DBF4B: variants seen among roughly 807,000 people sequenced by gnomAD.
DBF4B encodes protein DBF4 homolog B.
In DBF4B, 49 loss-of-function variants were observed where a neutral mutation model predicts 53.4. The ratio of observed to expected loss-of-function variants is 0.92; its 90% CI spans 0.73 to 1.16. The LOEUF (loss-of-function observed/expected upper bound fraction) is 1.16, where lower values mean the gene tolerates loss of function less well. Ranked by LOEUF, DBF4B falls within the 50% of genes most tolerant of loss-of-function variation. DBF4B has a pLI of 0.00. For missense variants in DBF4B, 692 were observed against 775.0 expected (o/e 0.89, Z 1.27); for synonymous variants, 257 against 288.7 (o/e 0.89, Z 1.11).
intron 5 of DBF4B, chr17:44,731,661 A>G (rs1336248715): frequency 6.3e-6 from 1 of 157,612 alleles, no homozygotes; most frequent in Non-Finnish European, 1.4e-5. Flanking sequence ...CAGGGCTGTT[A>G]AAGTTTAGTG....
intron 9 of DBF4B, 144 bp downstream of exon 9, chr17:44,738,568 C>G: frequency 1.3e-6 from 1 of 793,690 alleles, no homozygotes; most frequent in East Asian, 2.6e-5. Flanking sequence ...AAGCCACTTT[C>G]TCCCATTGTC....
Position 44,751,576 on chromosome 17 carries a change from C to A in DBF4B, c.*323C>A. 1 of 1,340,202 alleles carries A rather than the reference C, an allele frequency of 7.5e-7. No individual in the cohort carries two copies. The highest frequency in any genetic ancestry group is 9.6e-7 in the Non-Finnish European group (1 of 1,046,722). The allele number at this position is 1,340,202 out of a possible 1,614,324, so 83.0% of individuals were successfully genotyped here. On this transcript the variant is annotated 3_prime_UTR_variant, in exon 14 of 14. Coordinates refer to ENST00000315005, the MANE Select transcript of DBF4B (RefSeq NM_145663.3). ...TTCTCAGACTTGCCACCTTTCCCCT[C>A]TGCCCCAAAATGCCATGCTCCTCTC...
rs1393184526 is a variant in DBF4B, at chr17:44,750,654, G to C, written c.1249G>C (p.Gly417Arg). ...GACAGAATCACTAGATGGTGTGATG[G>C]GACCTCCTGCAAGTCACACATGTGT... ...RWTESLDGVM[G>R]PPASHTCVSA... Residue 417 changes from glycine (G) to arginine (R), a missense_variant, in exon 14 of 14, where the codon GGA becomes CGA. Gly to Arg is a moderately radical substitution (Grantham distance 125, BLOSUM62 -2). Around this residue, in one of 3 missense-constraint regions of DBF4B, gnomAD observed 597 missense variants for 665.8 expected, o/e 0.90. Transcript: ENST00000315005. The C allele has an allele frequency of 1.2e-6, 2 of 1,613,976 alleles. No individual in the cohort carries two copies. The highest frequency in any genetic ancestry group is 1.7e-6 in the Non-Finnish European group (2 of 1,180,026).
chr17:44,725,844 G>C (rs1487762799), intron 3 of DBF4B, among the ~76,000 whole-genome samples: 1 of 151,510 alleles, frequency 6.6e-6, no homozygotes, highest in Admixed American at 6.6e-5. Flanking sequence ...TCGCCACCAT[G>C]CCCTGCTCAT....
chr17:44,721,806 C>A lies in DBF4B; in HGVS notation c.83-1074C>A, dbSNP rs189232836. ...CTTATGCCCTATCTCGTGTGTCCCT[C>A]CGCTGAGTTTAGGGATTGGAGGTTG... On this transcript the variant is annotated intron_variant, in intron 2 of 13. Coordinates refer to ENST00000315005, the MANE Select transcript of DBF4B (RefSeq NM_145663.3). Among the ~76,000 whole-genome samples the A allele has an allele frequency of 7.7e-4, 117 of 150,986 alleles. 1 individual carries two copies. The highest frequency in any genetic ancestry group is 2.8e-3 in the African/African-American group (115 of 41,160).
At chr17:44,744,723 C>T (rs1421425519) in intron 10 of DBF4B, among the ~76,000 whole-genome samples, 2 of 152,186 alleles carry the variant, frequency 1.3e-5, no homozygotes, top group Non-Finnish European at 2.9e-5. Context: ...TTCCCATCCC[C>T]TTGCCTCATG....
rs139354582 is a variant in DBF4B at position 44,747,390 on chromosome 17, G to T, written c.940-1G>T. On this transcript the variant is annotated splice_acceptor_variant, in intron 11 of 13. Transcript: ENST00000315005. LOFTEE classifies it high-confidence loss of function. ...CCTGTGCTCCTCTCCCCCGCCGGCAGCATCTTCAGAGTGCCCAGCACCGGA... is the reference window on the plus strand; with the variant it reads ...CCTGTGCTCCTCTCCCCCGCCGGCATCATCTTCAGAGTGCCCAGCACCGGA... The T allele has an allele frequency of 1.3e-5, 21 of 1,613,600 alleles. No homozygotes were observed. Among genetic ancestry groups the T allele is most frequent in the Non-Finnish European group, 1.5e-5 (18 of 1,179,842 alleles).
intron 3 of DBF4B, among the ~76,000 whole-genome samples, chr17:44,724,760 G>T (rs968247888): frequency 2.6e-5 from 4 of 152,120 alleles, no homozygotes; most frequent in African/African-American, 9.7e-5. Flanking sequence ...TGGGAGGATT[G>T]CTGGAGTCCA....
chr17:44,742,140 T>C (rs1213349503), intron 10 of DBF4B, among the ~76,000 whole-genome samples: 2 of 151,760 alleles, frequency 1.3e-5, no homozygotes, highest in African/African-American at 2.4e-5. Flanking sequence ...GAGTGGCTCA[T>C]GCCCGTAATT....
intron 4 of DBF4B, among the ~76,000 whole-genome samples, chr17:44,730,542 T>G (rs984264236): frequency 7.9e-5 from 12 of 152,240 alleles, no homozygotes; most frequent in African/African-American, 2.9e-4. Context: ...TTATTTTGTC[T>G]AACATATTAA....
chr17:44,731,493 C>T (rs756516242), intron 5 of DBF4B: 15 of 171,384 alleles, frequency 8.8e-5, no homozygotes, highest in Non-Finnish European at 1.4e-4. Flanking sequence ...GTCCCCGCTA[C>T]GCAGGTGGCT....
intron 2 of DBF4B, among the ~76,000 whole-genome samples, chr17:44,717,707 CA>C (rs539318780): frequency 0.015 from 1,322 of 85,678 alleles, 8 homozygotes; most frequent in African/African-American, 0.032. Flanking sequence ...GACCTGGTCT[CA>C]AAAAAAAAAA....
At chr17:44,709,846 A>G (rs777088562) in intron 2 of DBF4B, among the ~76,000 whole-genome samples, 42 of 151,664 alleles carry the variant, frequency 2.8e-4, no homozygotes, top group Non-Finnish European at 4.4e-4. Flanking sequence ...ATTTTAGCAC[A>G]TGGCACTTCC....
chr17:44,717,709 A>G (rs541962420), intron 2 of DBF4B, among the ~76,000 whole-genome samples: 1 of 139,740 alleles, frequency 7.2e-6, no homozygotes, highest in South Asian at 2.2e-4. Flanking sequence ...CCTGGTCTCA[A>G]AAAAAAAAAA....
intron 6 of DBF4B, 140 bp from the exon 7 acceptor site, chr17:44,733,950 T>C: frequency 3.0e-6 from 2 of 677,648 alleles, no homozygotes; most frequent in African/African-American, 1.8e-5. Flanking sequence ...AGAGGGGATG[T>C]GTAGCCAGAA....
chr17:44,708,932 C>T (rs1972616280), intron 1 of DBF4B, 93 bp downstream of exon 1: 1 of 1,506,620 alleles, frequency 6.6e-7, no homozygotes, highest in African/African-American at 1.4e-5. Flanking sequence ...TAGGAAGTGA[C>T]CAGCGGGTAG....
intron 3 of DBF4B, among the ~76,000 whole-genome samples, chr17:44,728,103 T>A (rs1974522118): frequency 6.6e-6 from 1 of 152,102 alleles, no homozygotes; most frequent in Non-Finnish European, 1.5e-5. Flanking sequence ...CTCCTGAGGC[T>A]GGATTCAGCT....
At chr17:44,750,291 C>A in intron 13 of DBF4B, 1 of 1,138,130 alleles carries the variant, frequency 8.8e-7, no homozygotes. Context: ...TTCTTCTCAC[C>A]CTTCTCTGCG....
At chr17:44,739,074 T>C (rs1975742400) in intron 9 of DBF4B, among the ~76,000 whole-genome samples, 2 of 152,124 alleles carry the variant, frequency 1.3e-5, no homozygotes, top group Non-Finnish European at 2.9e-5. Flanking sequence ...AGAATCCAGG[T>C]GTCCTGCCTA....
Sources: allele counts gnomAD v4.1 joint callset (sites outside exome capture counted in the v4.1 genomes callset), GRCh38; gene constraint gnomAD v4.1.1; regional missense constraint gnomAD v4.1.1; transcripts MANE v1.5; gene names NCBI Gene and HGNC (gene_info 2026-07-23, HGNC 2026-07-21).